ZC3H12B: variants seen among roughly 807,000 people sequenced by gnomAD.
The protein encoded by ZC3H12B is probable ribonuclease ZC3H12B.
A neutral mutation model predicts 43.9 loss-of-function variants in ZC3H12B; 7 were observed. That is an observed-to-expected ratio of 0.16 (90% confidence interval 0.09 to 0.30). The LOEUF (loss-of-function observed/expected upper bound fraction) is 0.30, where lower values mean the gene tolerates loss of function less well. Among genes scored for constraint, ZC3H12B ranks in the 10% least tolerant of loss-of-function variants. The pLI is 1.00. For missense variants in ZC3H12B, 475 were observed against 670.2 expected, an observed-to-expected ratio of 0.71 and a Z score of 3.22; for synonymous variants, 222 against 241.7, an observed-to-expected ratio of 0.92 and a Z score of 0.76.
At chrX:65,401,658 A>G (rs2066764096) in intron 3 of ZC3H12B, among the ~76,000 whole-genome samples, 1 of 111,870 alleles carries the variant, frequency 8.9e-6, no homozygotes, top group African/African-American at 3.3e-5. Flanking sequence ...GCACAGCTTG[A>G]GGCTCCAAAA....
At chrX:65,104,548 G>T in the ZC3H12B span, among the ~76,000 whole-genome samples, 3 of 110,016 alleles carry the variant, frequency 2.7e-5, no homozygotes, top group South Asian at 1.1e-3. Context: ...TCTACAAGGA[G>T]CTCAAATTTA....
intron 3 of ZC3H12B, among the ~76,000 whole-genome samples, chrX:65,453,359 CATATATATAT>C (rs1159840122): frequency 0.013 from 345 of 27,163 alleles, 6 homozygotes; most frequent in African/African-American, 0.039. Context: ...AGCTCAAATG[CATATATATAT>C]ATATATATAT....
chrX:65,108,500 C>G, the ZC3H12B span, among the ~76,000 whole-genome samples: 2 of 109,761 alleles, frequency 1.8e-5, no homozygotes, highest in African/African-American at 6.6e-5. Flanking sequence ...ATCAATATCA[C>G]TCTCTTCTAC....
At chrX:65,330,995 C>G in the ZC3H12B span, 2 of 334,604 alleles carry the variant, frequency 6.0e-6, no homozygotes, top group East Asian at 8.4e-5. Flanking sequence ...GCATATTGTT[C>G]CTGAATGACT....
chrX:65,429,527 G>T (rs996860458), intron 3 of ZC3H12B, among the ~76,000 whole-genome samples: 1 of 112,620 alleles, frequency 8.9e-6, no homozygotes, highest in African/African-American at 3.2e-5. Context: ...AAGCAGTCTG[G>T]CCAAAATCTG....
the ZC3H12B span, among the ~76,000 whole-genome samples, chrX:65,202,699 C>A: frequency 1.6e-4 from 18 of 111,304 alleles, no homozygotes; most frequent in African/African-American, 5.2e-4. Context: ...AGACCTGAAG[C>A]CAGCACAGCA....
At chrX:65,457,998 C>A (rs1262088665) in intron 3 of ZC3H12B, among the ~76,000 whole-genome samples, 1 of 66,784 alleles carries the variant, frequency 1.5e-5, no homozygotes, top group Non-Finnish European at 2.7e-5. Context: ...GCTGACCTTC[C>A]CTCCACTATT....
the ZC3H12B span, among the ~76,000 whole-genome samples, chrX:65,315,307 G>A: frequency 8.9e-6 from 1 of 111,905 alleles, no homozygotes; most frequent in South Asian, 3.7e-4. Flanking sequence ...AGCATATGTA[G>A]AAGTAAAATA....
the ZC3H12B span, among the ~76,000 whole-genome samples, chrX:65,284,912 G>C: frequency 9.0e-6 from 1 of 111,557 alleles, no homozygotes; most frequent in African/African-American, 3.2e-5. Context: ...CTTAGAACTT[G>C]AAGGTCTTTT....
At chrX:65,145,221 T>C in the ZC3H12B span, among the ~76,000 whole-genome samples, 4 of 95,229 alleles carry the variant, frequency 4.2e-5, no homozygotes, top group East Asian at 1.4e-3. Context: ...TATCATTATA[T>C]AATGTCCCTC....
the ZC3H12B span, among the ~76,000 whole-genome samples, chrX:65,205,379 G>A: frequency 9.0e-6 from 1 of 111,377 alleles, no homozygotes; most frequent in Non-Finnish European, 1.9e-5. Context: ...TTGAATGACA[G>A]TCAAAGGGCT....
chrX:65,470,489 G>A (rs1232953990), intron 3 of ZC3H12B: 2 of 110,934 alleles, frequency 1.8e-5, no homozygotes, highest in Non-Finnish European at 3.8e-5. Flanking sequence ...GTGAGGATGG[G>A]TTCTGGACTT....
At chrX:65,163,741 G>T in the ZC3H12B span, among the ~76,000 whole-genome samples, 1 of 111,445 alleles carries the variant, frequency 9.0e-6, no homozygotes, top group Non-Finnish European at 1.9e-5. Flanking sequence ...GCAATGCCTC[G>T]CCCTGCTTCA....
chrX:65,059,979 C>T, the ZC3H12B span, among the ~76,000 whole-genome samples: 1,020 of 112,173 alleles, frequency 9.1e-3, 9 homozygotes, highest in Admixed American at 0.013. Flanking sequence ...GCATGGCTAT[C>T]GTAAATGGAT....
intron 2 of ZC3H12B, among the ~76,000 whole-genome samples, chrX:65,392,963 G>A (rs911709184): frequency 8.9e-6 from 1 of 112,144 alleles, no homozygotes; most frequent in African/African-American, 3.2e-5. Flanking sequence ...CGTGCTCTCT[G>A]AAACATGTGC....
At chrX:65,135,745 G>C in the ZC3H12B span, among the ~76,000 whole-genome samples, 1 of 75,729 alleles carries the variant, frequency 1.3e-5, no homozygotes, top group African/African-American at 5.7e-5. Flanking sequence ...CTATTTGTTT[G>C]TTTTCTTTTT....
At chrX:65,211,100 A>T in the ZC3H12B span, among the ~76,000 whole-genome samples, 1 of 106,048 alleles carries the variant, frequency 9.4e-6, no homozygotes, top group Non-Finnish European at 1.9e-5. Context: ...AAAAAAAAAA[A>T]AAAAGAACTT....
chrX:65,185,529 C>T, the ZC3H12B span: 1 of 111,613 alleles, frequency 9.0e-6, no homozygotes, highest in Admixed American at 9.6e-5. Context: ...TCAGTAGCTC[C>T]TAAAACCTTT....
chrX:65,167,907 G>T, the ZC3H12B span, among the ~76,000 whole-genome samples: 1 of 112,278 alleles, frequency 8.9e-6, no homozygotes, highest in Admixed American at 9.5e-5. Flanking sequence ...CTTTCCTGAA[G>T]TTGCTTATCA....
Sources: allele counts gnomAD v4.1 joint callset (sites outside exome capture counted in the v4.1 genomes callset), GRCh38; gene constraint gnomAD v4.1.1; transcripts MANE v1.5; gene names NCBI Gene and HGNC (gene_info 2026-07-23, HGNC 2026-07-21).